Variants in SLC39A14 observed in about 807,000 individuals in gnomAD.
SLC39A14 encodes the protein solute carrier family 39 member 14.
Under a neutral mutation model 45.5 loss-of-function variants are expected in SLC39A14, and 19 were observed. That is an observed-to-expected ratio of 0.42 (90% CI 0.29 to 0.61). The LOEUF (loss-of-function observed/expected upper bound fraction) is 0.61. Ranked by LOEUF, SLC39A14 falls within the 20% of genes least tolerant of loss-of-function variation. The probability of loss-of-function intolerance (pLI) is 0.22; values close to 1 mark genes in which losing one functional copy is unlikely to be tolerated. For missense variants in SLC39A14, 447 were observed against 616.5 expected (o/e 0.73, Z 2.91); for synonymous variants, 264 against 251.3 (o/e 1.05, Z -0.48).
At chr8:22,372,090 C>T (rs756947488) in intron 1 of SLC39A14, among the ~76,000 whole-genome samples, 25 of 152,238 alleles carry the variant, frequency 1.6e-4, no homozygotes, top group Non-Finnish European at 3.4e-4. Flanking sequence ...TTCACCAAAA[C>T]TTTGATTTAG....
intron 8 of SLC39A14, among the ~76,000 whole-genome samples, chr8:22,430,527 A>T (rs1563641952): frequency 6.6e-6 from 1 of 152,194 alleles, no homozygotes; most frequent in Non-Finnish European, 1.5e-5. Flanking sequence ...AAGCAACTTG[A>T]ATGCCAGTGC....
chr8:22,380,096 G>A (rs529196818), intron 1 of SLC39A14, among the ~76,000 whole-genome samples: 21 of 152,232 alleles, frequency 1.4e-4, no homozygotes, highest in Non-Finnish European at 2.4e-4. Context: ...GAGGAAGTGC[G>A]TAGGTTATAT....
chr8:22,400,307 A>G (rs1268989026), intron 1 of SLC39A14, among the ~76,000 whole-genome samples: 1 of 152,176 alleles, frequency 6.6e-6, no homozygotes, highest in Non-Finnish European at 1.5e-5. Flanking sequence ...TACGTGGAGT[A>G]AGTTTCCCAG....
rs1836174956 is a variant in SLC39A14 at position 22,420,672 on chromosome 8, G to C, written c.*974G>C. The C allele has an allele frequency of 3.0e-6, 3 of 985,378 alleles. No individual in the cohort carries two copies. In the South Asian group the frequency reaches 1.4e-4, roughly 46 times the overall value. The allele number at this position is 985,378 out of a possible 1,614,324, so 61.0% of individuals were successfully genotyped here. On this transcript the variant is annotated 3_prime_UTR_variant, in exon 9 of 9. Coordinates refer to ENST00000381237, the MANE Select transcript of SLC39A14 (RefSeq NM_001128431.4). ...AGTGGCAAGCTGACTTGTAGAAATGGGGTGCCATTTATGCTCTACTTAGAC... is the reference window on the plus strand; with the variant it reads ...AGTGGCAAGCTGACTTGTAGAAATGCGGTGCCATTTATGCTCTACTTAGAC...
chr8:22,398,847 G>A lies in SLC39A14; in HGVS notation c.-15-5849G>A, dbSNP rs762463140. The A allele has an allele frequency of 6.5e-4, 398 of 615,396 alleles. 5 individuals are homozygous for A. The highest frequency in any genetic ancestry group is 6.8e-4 in the Non-Finnish European group (336 of 491,970). 38.1% of individuals were successfully genotyped at this position (615,396 alleles called of 1,614,324 possible). A position where few individuals can be genotyped will look rare whatever the true frequency, so the allele number is the denominator to read the frequency against. ...CTCTGGATGGTAAGGCAACTTCTGC[G>A]CTTCCATAGAGGGTTCCAGAACAGG... On this transcript the variant is annotated intron_variant, in intron 1 of 8. Coordinates refer to ENST00000381237, the MANE Select transcript of SLC39A14 (RefSeq NM_001128431.4).
intron 8 of SLC39A14, among the ~76,000 whole-genome samples, chr8:22,418,565 C>T (rs1473067291): frequency 6.6e-6 from 1 of 151,506 alleles, no homozygotes; most frequent in Non-Finnish European, 1.5e-5. Context: ...TAGACAGAAC[C>T]TCACTCACCT....
intron 1 of SLC39A14, among the ~76,000 whole-genome samples, chr8:22,368,069 T>G (rs1832732490): frequency 6.6e-6 from 1 of 152,118 alleles, no homozygotes; most frequent in African/African-American, 2.4e-5. Context: ...TTTCGTCAGC[T>G]CTGGACTAGG....
chr8:22,409,022 T>C (rs1441462306), intron 3 of SLC39A14, among the ~76,000 whole-genome samples: 2 of 152,088 alleles, frequency 1.3e-5, no homozygotes, highest in African/African-American at 2.4e-5. Flanking sequence ...GGTCTCACTA[T>C]GTTACCCAGG....
At chr8:22,374,120 G>A (rs1446787943) in intron 1 of SLC39A14, among the ~76,000 whole-genome samples, 1 of 152,170 alleles carries the variant, frequency 6.6e-6, no homozygotes, top group Non-Finnish European at 1.5e-5. Flanking sequence ...AATAGAACCT[G>A]CATAAAGAGG....
At chr8:22,414,940 G>A in intron 5 of SLC39A14, 38 bp downstream of exon 5, 2 of 1,604,140 alleles carry the variant, frequency 1.2e-6, no homozygotes, top group South Asian at 1.1e-5. Flanking sequence ...CTCTTCTAGG[G>A]AAAACACCCA....
chr8:22,429,399 G>A (rs773775927), intron 8 of SLC39A14, among the ~76,000 whole-genome samples: 16 of 152,202 alleles, frequency 1.1e-4, no homozygotes, highest in Non-Finnish European at 1.8e-4. Context: ...ATATTTTTAT[G>A]AAGTAGAAAT....
chr8:22,375,596 C>T (rs1356143646), intron 1 of SLC39A14, among the ~76,000 whole-genome samples: 2 of 151,872 alleles, frequency 1.3e-5, no homozygotes, highest in African/African-American at 4.8e-5. Flanking sequence ...AGCAATTCTC[C>T]TGCCTCAGCG....
chr8:22,418,961 TGA>T (rs1836054201), intron 8 of SLC39A14, among the ~76,000 whole-genome samples: 1 of 151,982 alleles, frequency 6.6e-6, no homozygotes, highest in Non-Finnish European at 1.5e-5. Context: ...CCCAGGAGTT[TGA>T]GGCTGCAGTG....
At chr8:22,429,845 C>A (rs191875274) in intron 8 of SLC39A14, among the ~76,000 whole-genome samples, 1 of 152,242 alleles carries the variant, frequency 6.6e-6, no homozygotes, top group East Asian at 1.9e-4. Flanking sequence ...TAAATTAACA[C>A]GGGGGAGTGA....
intron 1 of SLC39A14, among the ~76,000 whole-genome samples, chr8:22,382,390 G>T (rs1456453093): frequency 1.3e-5 from 2 of 152,134 alleles, no homozygotes; most frequent in African/African-American, 2.4e-5. Context: ...TTAAATCTTG[G>T]TCAGGCACAG....
chr8:22,372,838 G>A (rs1198056496), intron 1 of SLC39A14, among the ~76,000 whole-genome samples: 4 of 151,872 alleles, frequency 2.6e-5, no homozygotes, highest in Admixed American at 6.6e-5. Flanking sequence ...GTCTCACTAC[G>A]TTACCCAAGC....
intron 1 of SLC39A14, among the ~76,000 whole-genome samples, chr8:22,401,698 G>T (rs999823752): frequency 6.6e-6 from 1 of 151,648 alleles, no homozygotes; most frequent in Admixed American, 6.6e-5. Context: ...TGTGTGCCTG[G>T]CTAATTTTTG....
In SLC39A14 at chr8:22,422,296, G is replaced by A. The variant is rs904370120; in HGVS notation, c.*2598G>A. On this transcript the variant is annotated 3_prime_UTR_variant, in exon 9 of 9. Transcript: ENST00000381237. ...TTCTGCTCCTTCTCACTTCACCACC[G>A]GCACACAGCTTGCCCCTGTCTTTGC... The A allele has an allele frequency of 4.6e-5, 45 of 985,528 alleles. No individual in the cohort carries two copies. The highest frequency in any genetic ancestry group is 4.8e-5 in the Non-Finnish European group (40 of 829,944). The allele number at this position is 985,528 out of a possible 1,614,324, so 61.0% of individuals were successfully genotyped here.
At position 22,390,929 on chromosome 8, in the gene SLC39A14, T is replaced by C. The variant is rs146548490; in HGVS notation, c.-15-13767T>C. Among the ~76,000 whole-genome samples the C allele has an allele frequency of 4.5e-3, 679 of 152,086 alleles. 5 individuals carry two copies. The highest frequency in any genetic ancestry group is 0.016 in the African/African-American group (658 of 41,482). On this transcript the variant is annotated intron_variant, in intron 1 of 8. Transcript: ENST00000381237. ...GAGAGCCTGGACACCTTCCGGAGGGTGGATCCTGGGACATGCATTTCCCTG... is the reference window on the plus strand; with the variant it reads ...GAGAGCCTGGACACCTTCCGGAGGGCGGATCCTGGGACATGCATTTCCCTG...
Sources: gnomAD v4.1 joint callset for allele counts (sites outside exome capture counted in the v4.1 genomes callset) on GRCh38, gnomAD v4.1.1 for gene constraint, MANE v1.5 for transcripts, NCBI Gene and HGNC (gene_info 2026-07-23, HGNC 2026-07-21) for gene names.